Variants in AGPAT4 observed in about 807,000 individuals in gnomAD.
AGPAT4 encodes the protein 1-acylglycerol-3-phosphate O-acyltransferase 4, also known as 1-acyl-sn-glycerol-3-phosphate acyltransferase delta.
A neutral mutation model predicts 48.0 loss-of-function variants in AGPAT4; 15 were observed. That is an observed-to-expected ratio of 0.31 (90% CI 0.21 to 0.48). The LOEUF (loss-of-function observed/expected upper bound fraction) is 0.48. AGPAT4 is among the 20% of genes least tolerant of loss of function. The pLI, the probability that AGPAT4 is intolerant of heterozygous loss-of-function variation, is 0.99. For synonymous variants in AGPAT4, 178 were observed against 198.7 expected, an observed-to-expected ratio of 0.90 and a Z score of 0.88; for missense variants, 314 against 482.5, an observed-to-expected ratio of 0.65 and a Z score of 3.27.
At chr6:161,230,863 T>TCTTGCACTATTTTG in intron 2 of AGPAT4, among the ~76,000 whole-genome samples, 1 of 152,340 alleles carries the variant, frequency 6.6e-6, no homozygotes, top group East Asian at 1.9e-4. Context: ...GCACTCAAAC[T>TCTTGCACTATTTTG]ATATCCAAAA....
rs1261092199 is a variant in AGPAT4, at chr6:161,215,580, T to C, written c.178+16456A>G. The stretch of plus-strand genomic sequence containing the variant: ...CATATTTTAAATGTATAACAAGCTC[T>C]TTTTGAACCTAAAACATTCTAGTCT... On this transcript the variant is annotated intron_variant, in intron 2 of 8. Transcript: ENST00000320285. This position sits in a 1 kb window ranked among gnomAD's most constrained non-coding sequence, Gnocchi z 4.5. 2.0e-5 allele frequency among the ~76,000 whole-genome samples: 3 copies of C among 152,158 alleles called. No homozygotes were observed. The highest frequency in any genetic ancestry group is 7.2e-5 in the African/African-American group (3 of 41,438).
intron 2 of AGPAT4, among the ~76,000 whole-genome samples, chr6:161,186,037 C>T (rs1005456218): frequency 2.0e-5 from 3 of 152,136 alleles, no homozygotes; most frequent in Admixed American, 6.5e-5. Flanking sequence ...GAGAAATTCT[C>T]GAAATCTTCC....
rs534688673 is a variant in AGPAT4, at chr6:161,144,025, A to G, written c.843+2499T>C. 38 of 436,484 alleles carry G rather than the reference A, an allele frequency of 8.7e-5. No homozygotes were observed. The highest frequency in any genetic ancestry group is 1.1e-4 in the Non-Finnish European group (24 of 211,222). The allele number at this position is 436,484 out of a possible 1,614,324, so 27.0% of individuals were successfully genotyped here. A position where few individuals can be genotyped will look rare whatever the true frequency, so the allele number is the denominator to read the frequency against. On this transcript the variant is annotated intron_variant, in intron 7 of 8. Coordinates refer to ENST00000320285, the MANE Select transcript of AGPAT4 (RefSeq NM_020133.3). This position sits in a 1 kb window ranked among gnomAD's most constrained non-coding sequence, Gnocchi z 6.6. ...AGGTTGATCATTAAAATGAAATCCC[A>G]CTTTGACAAACTGGGTCGGGCACCC...
intron 1 of AGPAT4, 32 bp downstream of exon 1, chr6:161,273,906 A>T (rs1783517634): frequency 6.6e-6 from 1 of 151,562 alleles, no homozygotes; most frequent in Admixed American, 6.6e-5. Context: ...CCAGCGGGGA[A>T]GGTGCCTGCG....
Position 161,212,521 on chromosome 6 carries a change from C to A in AGPAT4, c.178+19515G>T, listed in dbSNP as rs897480174. Among the ~76,000 whole-genome samples, 5 of 152,102 alleles carry A rather than the reference C, an allele frequency of 3.3e-5. No individual in the cohort carries two copies. The highest frequency in any genetic ancestry group is 9.7e-5 in the African/African-American group (4 of 41,422). ...ATAAAAATTATACAGGAAACATTGT[C>A]AAATACGAAATGGTGTTTGGTTTCC... On this transcript the variant is annotated intron_variant, in intron 2 of 8. Transcript: ENST00000320285. The surrounding 1 kb of genome is among the most constrained non-coding windows in gnomAD (Gnocchi z 6.1).
Position 161,242,298 on chromosome 6 carries a change from A to C in AGPAT4, c.-89-9996T>G, listed in dbSNP as rs773574146. On this transcript the variant is annotated intron_variant, in intron 1 of 8. Transcript: ENST00000320285. The surrounding 1 kb of genome is among the most constrained non-coding windows in gnomAD (Gnocchi z 5.0). ...CAGTCTCACGCTCTTAATGCTGCCT[A>C]TAAGACAAGAAGCCCAACATGATAG... Among the ~76,000 whole-genome samples the C allele has an allele frequency of 1.2e-4, 19 of 152,214 alleles. No homozygotes were observed. Among genetic ancestry groups the C allele is most frequent in the Non-Finnish European group, 2.2e-4 (15 of 68,046 alleles).
At position 161,181,492 on chromosome 6, in the gene AGPAT4, G is replaced by A. The variant is rs184316494; in HGVS notation, c.179-15075C>T. On this transcript the variant is annotated intron_variant, in intron 2 of 8. Coordinates refer to ENST00000320285, the MANE Select transcript of AGPAT4 (RefSeq NM_020133.3). ...CCTGGGTATTAGGCCATGCAGACAC[G>A]GTGGGGGTAGCAGGGGGCGGGGGGC... is the stretch of plus-strand genomic sequence containing the variant. 7.4e-5 allele frequency among the ~76,000 whole-genome samples: 11 copies of A among 149,378 alleles called. No individual in the cohort carries two copies. In the South Asian group the frequency reaches 1.3e-3, roughly 17 times the overall value.
intron 1 of AGPAT4, among the ~76,000 whole-genome samples, chr6:161,273,370 C>A (rs906630971): frequency 1.3e-5 from 2 of 152,100 alleles, no homozygotes; most frequent in African/African-American, 4.8e-5. Flanking sequence ...GGGGTAGCCA[C>A]AAGCCATGCT....
chr6:161,252,317 G>A (rs774660131), intron 1 of AGPAT4, among the ~76,000 whole-genome samples: 15 of 152,220 alleles, frequency 9.9e-5, no homozygotes, highest in Non-Finnish European at 2.2e-4. Context: ...TTCACGTTGC[G>A]AATTCCCAAA....
At position 161,202,683 on chromosome 6, in the gene AGPAT4, A is replaced by T. The variant is rs1296891157; in HGVS notation, c.178+29353T>A. Among the ~76,000 whole-genome samples the T allele has an allele frequency of 6.6e-6, 1 of 152,238 alleles. No homozygotes were observed. Among genetic ancestry groups the T allele is most frequent in the East Asian group, 1.9e-4 (1 of 5,172 alleles). On this transcript the variant is annotated intron_variant, in intron 2 of 8. Coordinates refer to ENST00000320285, the MANE Select transcript of AGPAT4 (RefSeq NM_020133.3). The surrounding 1 kb of genome is among the most constrained non-coding windows in gnomAD (Gnocchi z 5.4). Reference sequence around the variant, plus strand: ...AAGTCATTCCCCCATCGAGAGGTAAAATGGAATTTCCCCTTTCTTGATCTA... The same window carrying T: ...AAGTCATTCCCCCATCGAGAGGTAATATGGAATTTCCCCTTTCTTGATCTA...
In AGPAT4 at chr6:161,196,179, T is replaced by A. The variant is rs1377756024; in HGVS notation, c.179-29762A>T. 6.6e-6 allele frequency among the ~76,000 whole-genome samples: 1 copy of A among 152,140 alleles called. No individual in the cohort carries two copies. Among genetic ancestry groups the A allele is most frequent in the African/African-American group, 2.4e-5 (1 of 41,414 alleles). On this transcript the variant is annotated intron_variant, in intron 2 of 8. Coordinates refer to ENST00000320285, the MANE Select transcript of AGPAT4 (RefSeq NM_020133.3). The surrounding 1 kb of genome is among the most constrained non-coding windows in gnomAD (Gnocchi z 4.3). The stretch of plus-strand genomic sequence containing the variant: ...CTAGGAGAAAAGAAATGGGACCTAG[T>A]AAGTTAAGGCATCAGACACTGAGTG...
chr6:161,176,621 GA>G (rs1380788709), intron 2 of AGPAT4, among the ~76,000 whole-genome samples: 4 of 151,938 alleles, frequency 2.6e-5, no homozygotes, highest in African/African-American at 7.2e-5. Context: ...CTTTTAATTG[GA>G]GCATTTAGCC....
In AGPAT4 at chr6:161,169,757, A is replaced by T. The variant is rs901535796; in HGVS notation, c.179-3340T>A. Among the ~76,000 whole-genome samples the T allele has an allele frequency of 2.0e-5, 3 of 152,198 alleles. No homozygotes were observed. The highest frequency in any genetic ancestry group is 7.2e-5 in the African/African-American group (3 of 41,442). On this transcript the variant is annotated intron_variant, in intron 2 of 8. Transcript: ENST00000320285. The surrounding 1 kb of genome is among the most constrained non-coding windows in gnomAD (Gnocchi z 5.0). ...TACAAGAAAATATAAAATTCCTCTA[A>T]CTAGCTTCAGGATGTGTTACGCTGG...
rs1411846703 is a variant in AGPAT4, at chr6:161,235,722, A to T, written c.-89-3420T>A. ...TACAAGGCAGGAGGAAGAGCGAGAG[A>T]GAGAGAAGGGGGAGGTGCCACACAC... On this transcript the variant is annotated intron_variant, in intron 1 of 8. Coordinates refer to ENST00000320285, the MANE Select transcript of AGPAT4 (RefSeq NM_020133.3). This position sits in a 1 kb window ranked among gnomAD's most constrained non-coding sequence, Gnocchi z 6.2. 6.6e-6 allele frequency among the ~76,000 whole-genome samples: 1 copy of T among 152,042 alleles called. No individual in the cohort carries two copies. Among genetic ancestry groups the T allele is most frequent in the Non-Finnish European group, 1.5e-5 (1 of 68,008 alleles).
rs1418334121 is a variant in AGPAT4, at chr6:161,232,351, T to C, written c.-89-49A>G. The C allele has an allele frequency of 1.2e-6, 1 of 864,038 alleles. No homozygotes were observed. The highest frequency in any genetic ancestry group is 1.7e-6 in the Non-Finnish European group (1 of 580,052). The allele number at this position is 864,038 out of a possible 1,614,324, so 53.5% of individuals were successfully genotyped here. On this transcript the variant is annotated intron_variant, in intron 1 of 8. Coordinates refer to ENST00000320285, the MANE Select transcript of AGPAT4 (RefSeq NM_020133.3). This position sits in a 1 kb window ranked among gnomAD's most constrained non-coding sequence, Gnocchi z 6.8. The stretch of plus-strand genomic sequence containing the variant: ...TGTTAGCAAAAACACGATGTGCTTT[T>C]AGAGTCAGAAAAAAAGTGCTCTGAA...
chr6:161,194,624 GTGTATGTGTA>G (rs1240124408), intron 2 of AGPAT4, among the ~76,000 whole-genome samples: 10 of 146,442 alleles, frequency 6.8e-5, no homozygotes, highest in African/African-American at 2.1e-4. Context: ...GTGTACATGT[GTGTATGTGTA>G]TGTGTGTATG....
At chr6:161,181,148 G>A (rs1275519272) in intron 2 of AGPAT4, among the ~76,000 whole-genome samples, 1 of 152,178 alleles carries the variant, frequency 6.6e-6, no homozygotes, top group African/African-American at 2.4e-5. Flanking sequence ...GTGCCTCCCA[G>A]CTCTAGCCCA....
intron 2 of AGPAT4, among the ~76,000 whole-genome samples, chr6:161,211,253 A>G (rs1257221402): frequency 6.6e-6 from 1 of 152,206 alleles, no homozygotes. Context: ...CTAAAGTTAT[A>G]TTAAATTAAA....
chr6:161,243,290 G>A lies in AGPAT4; in HGVS notation c.-89-10988C>T, dbSNP rs190045446. Among the ~76,000 whole-genome samples the A allele has an allele frequency of 9.3e-4, 142 of 152,142 alleles. No homozygotes were observed. Among genetic ancestry groups the A allele is most frequent in the African/African-American group, 3.0e-3 (126 of 41,500 alleles). On this transcript the variant is annotated intron_variant, in intron 1 of 8. Transcript: ENST00000320285. The surrounding 1 kb of genome is among the most constrained non-coding windows in gnomAD (Gnocchi z 4.8). Reference sequence around the variant, plus strand: ...AAAGTAGGGAAATGGCCCAAGACCCGGCCCTGGGCCGGCAGAAGCAGGCGT... The same window carrying A: ...AAAGTAGGGAAATGGCCCAAGACCCAGCCCTGGGCCGGCAGAAGCAGGCGT...
Sources: gnomAD v4.1 joint callset for allele counts (sites outside exome capture counted in the v4.1 genomes callset) on GRCh38, gnomAD v4.1.1 for gene constraint, Gnocchi (gnomAD v3.1) non-coding constraint, MANE v1.5 for transcripts, NCBI Gene and HGNC (gene_info 2026-07-23, HGNC 2026-07-21) for gene names.